CHST9: variants seen among roughly 807,000 people sequenced by gnomAD.
The protein encoded by CHST9 is carbohydrate sulfotransferase 9.
In CHST9, 41 loss-of-function variants were observed where a neutral mutation model predicts 44.4. That is an observed-to-expected ratio of 0.92 (90% CI 0.72 to 1.20). CHST9 has a LOEUF of 1.20. Ranked by LOEUF, CHST9 falls within the 50% of genes most tolerant of loss-of-function variation. The pLI is 0.00. For synonymous variants in CHST9, 171 were observed against 178.4 expected, an observed-to-expected ratio of 0.96 and a Z score of 0.33; for missense variants, 504 against 516.5, an observed-to-expected ratio of 0.98 and a Z score of 0.23.
chr18:27,090,103 G>A lies in CHST9; in HGVS notation c.122-41600C>T, dbSNP rs141531506. On this transcript the variant is annotated intron_variant, in intron 2 of 5. Transcript: ENST00000618847. Reference sequence around the variant, plus strand: ...TGGGATTACAGGCGTGAGCCACCGCGCCCAGTGTTTCCTGACTTTTTAATG... The same window carrying A: ...TGGGATTACAGGCGTGAGCCACCGCACCCAGTGTTTCCTGACTTTTTAATG... Among the ~76,000 whole-genome samples, 26 of 152,106 alleles carry A rather than the reference G, an allele frequency of 1.7e-4. No homozygotes were observed. In the East Asian group the frequency reaches 2.9e-3, roughly 17 times the overall value.
chr18:26,981,728 G>C (rs1451125757), intron 4 of CHST9, among the ~76,000 whole-genome samples: 1 of 152,196 alleles, frequency 6.6e-6, no homozygotes, highest in Non-Finnish European at 1.5e-5. Context: ...ACATCCAGTA[G>C]AAGCGGAGGC....
Position 26,917,315 on chromosome 18 carries a change from T to C in CHST9, c.276A>G (p.Glu92=). 2 of 1,612,574 alleles carry C rather than the reference T, an allele frequency of 1.2e-6. No individual in the cohort carries two copies. Among genetic ancestry groups the C allele is most frequent in the South Asian group, 2.2e-5 (2 of 90,592 alleles). The change falls in exon 6 of 6, where the codon GAA becomes GAG. Residue 92 remains glutamate, a synonymous_variant. Coordinates refer to ENST00000618847, the MANE Select transcript of CHST9 (RefSeq NM_031422.6). ...PKFHMPEDVR[E]KKENLLLNSE... Reference sequence around the variant, plus strand: ...AATTGAGTAGAAGATTTTCCTTTTTTTCTCGTACATCCTCAGGCATGTGAA... The same window carrying C: ...AATTGAGTAGAAGATTTTCCTTTTTCTCTCGTACATCCTCAGGCATGTGAA...
chr18:27,182,375 T>C (rs1022936748), intron 1 of CHST9, among the ~76,000 whole-genome samples: 1 of 152,198 alleles, frequency 6.6e-6, no homozygotes, highest in Non-Finnish European at 1.5e-5. Context: ...AAGAGCAGTA[T>C]AGAACACTGT....
intron 3 of CHST9, among the ~76,000 whole-genome samples, chr18:27,041,103 G>T (rs954374611): frequency 3.3e-5 from 5 of 152,078 alleles, no homozygotes; most frequent in African/African-American, 1.2e-4. Context: ...CAACTTCCAC[G>T]ATAAATTAGT....
intron 4 of CHST9, among the ~76,000 whole-genome samples, chr18:27,009,857 T>C (rs892098370): frequency 2.6e-5 from 4 of 152,198 alleles, no homozygotes; most frequent in African/African-American, 9.6e-5. Flanking sequence ...GCTTTTACCT[T>C]TGGTAGAATC....
chr18:27,064,939 C>T (rs1186676049), intron 2 of CHST9, among the ~76,000 whole-genome samples: 6 of 152,186 alleles, frequency 3.9e-5, no homozygotes, highest in Admixed American at 3.9e-4. Context: ...ACACAGGGAT[C>T]TGTATCCCCT....
At chr18:27,088,262 A>G (rs2058032128) in intron 2 of CHST9, among the ~76,000 whole-genome samples, 2 of 152,216 alleles carry the variant, frequency 1.3e-5, no homozygotes, top group African/African-American at 2.4e-5. Context: ...TAAGGGACAC[A>G]AAACTACCAA....
chr18:26,951,368 T>C (rs1342362692), intron 4 of CHST9, among the ~76,000 whole-genome samples: 1 of 152,198 alleles, frequency 6.6e-6, no homozygotes, highest in Non-Finnish European at 1.5e-5. Flanking sequence ...TTTTGCTGCC[T>C]AAACAGTTTA....
intron 4 of CHST9, among the ~76,000 whole-genome samples, chr18:27,007,062 C>G (rs77019499): frequency 9.2e-5 from 14 of 152,140 alleles, no homozygotes; most frequent in Non-Finnish European, 1.9e-4. Context: ...ATTCAACAGG[C>G]GCAATCCCCA....
chr18:27,117,827 G>A (rs867228726), intron 2 of CHST9, among the ~76,000 whole-genome samples: 1 of 152,100 alleles, frequency 6.6e-6, no homozygotes, highest in African/African-American at 2.4e-5. Context: ...TGCAAGTTTT[G>A]ATAATTATGA....
chr18:26,923,482 A>G (rs2055701652), intron 5 of CHST9, among the ~76,000 whole-genome samples: 1 of 152,240 alleles, frequency 6.6e-6, no homozygotes, highest in Admixed American at 6.5e-5. Flanking sequence ...AGCAAAGAAT[A>G]TCATTCCTGC....
intron 1 of CHST9, among the ~76,000 whole-genome samples, chr18:27,176,379 C>T (rs192729653): frequency 1.7e-4 from 26 of 151,960 alleles, no homozygotes; most frequent in Admixed American, 1.0e-3. Context: ...TTTTTCTACA[C>T]AAAGGATGGT....
At chr18:27,003,989 G>A (rs369671226) in intron 4 of CHST9, among the ~76,000 whole-genome samples, 47 of 151,812 alleles carry the variant, frequency 3.1e-4, no homozygotes, top group African/African-American at 1.1e-3. Context: ...GTAAAACAGA[G>A]CCTGGAAACA....
chr18:27,076,168 A>G (rs1461337077), intron 2 of CHST9, among the ~76,000 whole-genome samples: 4 of 152,178 alleles, frequency 2.6e-5, no homozygotes, highest in East Asian at 1.9e-4. Context: ...TAAATGTGCA[A>G]TTTCAAGACA....
intron 3 of CHST9, among the ~76,000 whole-genome samples, chr18:27,029,606 T>A (rs1268977940): frequency 6.6e-6 from 1 of 152,204 alleles, no homozygotes; most frequent in African/African-American, 2.4e-5. Flanking sequence ...TTGATATATA[T>A]CATGTGCATA....
chr18:26,960,641 G>T (rs1432854703), intron 4 of CHST9, among the ~76,000 whole-genome samples: 1 of 152,134 alleles, frequency 6.6e-6, no homozygotes, highest in Admixed American at 6.6e-5. Flanking sequence ...ACTGCTCAAG[G>T]TCATTGCCAA....
At chr18:27,130,346 C>G (rs549169150) in intron 2 of CHST9, among the ~76,000 whole-genome samples, 46 of 152,262 alleles carry the variant, frequency 3.0e-4, no homozygotes, top group African/African-American at 1.0e-3. Context: ...GTGAAATACT[C>G]TGTTGGCATA....
At chr18:26,943,093 C>T (rs899595383) in intron 5 of CHST9, among the ~76,000 whole-genome samples, 7 of 151,742 alleles carry the variant, frequency 4.6e-5, no homozygotes, top group South Asian at 2.1e-4. Context: ...GGTGACAGAG[C>T]GAGACTCCGT....
intron 2 of CHST9, among the ~76,000 whole-genome samples, chr18:27,125,199 G>T (rs559134463): frequency 1.9e-3 from 295 of 152,258 alleles, no homozygotes; most frequent in Non-Finnish European, 3.5e-3. Context: ...TATTTCATAT[G>T]ATAAGAAATG....
Sources: allele counts gnomAD v4.1 joint callset (sites outside exome capture counted in the v4.1 genomes callset), GRCh38; gene constraint gnomAD v4.1.1; transcripts MANE v1.5; gene names NCBI Gene and HGNC (gene_info 2026-07-23, HGNC 2026-07-21).